The following NFIB variants were observed in gnomAD, a reference collection of about 807,000 sequenced individuals.
NFIB encodes nuclear factor I B.
In NFIB, 11 loss-of-function variants were observed where a neutral mutation model predicts 61.5. The observed-to-expected ratio is 0.18, with a 90% CI of 0.11 to 0.30. The LOEUF (loss-of-function observed/expected upper bound fraction) is 0.30. NFIB is among the 10% of genes least tolerant of loss of function. The pLI is 1.00. For synonymous variants in NFIB, 260 were observed against 216.5 expected (o/e 1.20, Z -1.76); for missense variants, 471 against 608.9 (o/e 0.77, Z 2.38).
chr9:14,338,523 C>A (rs1399594873), intron 1 of NFIB, among the ~76,000 whole-genome samples: 1 of 152,148 alleles, frequency 6.6e-6, no homozygotes, highest in East Asian at 1.9e-4. Flanking sequence ...TAGCTAGTGA[C>A]CTAACATCTG....
intron 2 of NFIB, among the ~76,000 whole-genome samples, chr9:14,200,775 TCC>T (rs2048951648): frequency 6.6e-6 from 1 of 152,062 alleles, no homozygotes; most frequent in Non-Finnish European, 1.5e-5. Context: ...CTTTGTACAT[TCC>T]CCCTCAGCAA....
chr9:14,222,627 A>AC (rs1324471944), intron 2 of NFIB, among the ~76,000 whole-genome samples: 1 of 151,680 alleles, frequency 6.6e-6, no homozygotes, highest in Non-Finnish European at 1.5e-5. Flanking sequence ...ACAAAGTGAG[A>AC]CCCCATTGCT....
chr9:14,454,452 G>A, the NFIB span, among the ~76,000 whole-genome samples: 17 of 152,184 alleles, frequency 1.1e-4, no homozygotes, highest in Admixed American at 1.0e-3. Context: ...CCTCTCTCTT[G>A]CCTAGTTAAT....
chr9:14,512,479 A>G, the NFIB span, among the ~76,000 whole-genome samples: 3 of 152,182 alleles, frequency 2.0e-5, no homozygotes, highest in Non-Finnish European at 4.4e-5. Flanking sequence ...TTCTAGGCAT[A>G]TCTTTGTTGG....
intron 3 of NFIB, among the ~76,000 whole-genome samples, chr9:14,173,890 G>T (rs1444474539): frequency 1.3e-5 from 2 of 152,088 alleles, no homozygotes; most frequent in African/African-American, 2.4e-5. Context: ...AATCAGGCTA[G>T]AAGCACTGTG....
chr9:14,119,233 C>G (rs1399843333), intron 8 of NFIB, among the ~76,000 whole-genome samples: 1 of 152,132 alleles, frequency 6.6e-6, no homozygotes, highest in African/African-American at 2.4e-5. Context: ...AAACGATATA[C>G]TAAGATCCCA....
At chr9:14,194,949 C>G (rs1444996013) in intron 2 of NFIB, among the ~76,000 whole-genome samples, 1 of 151,894 alleles carries the variant, frequency 6.6e-6, no homozygotes, top group Non-Finnish European at 1.5e-5. Context: ...CAATCCAGCA[C>G]ACATTCTCTC....
At chr9:14,516,746 T>G in the NFIB span, among the ~76,000 whole-genome samples, 1 of 152,250 alleles carries the variant, frequency 6.6e-6, no homozygotes, top group Non-Finnish European at 1.5e-5. Context: ...TTCAAGCTCT[T>G]GCCCTTAATC....
intron 2 of NFIB, among the ~76,000 whole-genome samples, chr9:14,254,447 G>T (rs1344029680): frequency 2.0e-5 from 3 of 152,074 alleles, no homozygotes; most frequent in African/African-American, 7.2e-5. Context: ...ACTTGATATG[G>T]GCTTGCGTTA....
chr9:14,415,952 C>A, the NFIB span, among the ~76,000 whole-genome samples: 2 of 152,194 alleles, frequency 1.3e-5, no homozygotes. Context: ...TAACTCTAGT[C>A]TCCTTTAAAT....
intron 1 of NFIB, among the ~76,000 whole-genome samples, chr9:14,347,103 G>A (rs909049679): frequency 1.3e-4 from 19 of 151,948 alleles, no homozygotes; most frequent in African/African-American, 4.6e-4. Context: ...CTCCACGCCG[G>A]GAGCTGGAAG....
chr9:14,499,978 A>G, the NFIB span, among the ~76,000 whole-genome samples: 1 of 152,214 alleles, frequency 6.6e-6, no homozygotes, highest in African/African-American at 2.4e-5. Flanking sequence ...AGCTGAAATA[A>G]CAGATACAAA....
At chr9:14,288,846 T>C (rs1159588206) in intron 2 of NFIB, among the ~76,000 whole-genome samples, 1 of 152,048 alleles carries the variant, frequency 6.6e-6, no homozygotes, top group Admixed American at 6.6e-5. Flanking sequence ...TTGAAAACAG[T>C]GCTCAGTACA....
At chr9:14,134,253 G>T (rs1478934622) in intron 6 of NFIB, among the ~76,000 whole-genome samples, 1 of 152,152 alleles carries the variant, frequency 6.6e-6, no homozygotes, top group African/African-American at 2.4e-5. Context: ...CTGCTCTAGG[G>T]AATGTAAATT....
At chr9:14,216,358 C>T (rs1242247698) in intron 2 of NFIB, among the ~76,000 whole-genome samples, 3 of 152,078 alleles carry the variant, frequency 2.0e-5, no homozygotes, top group Non-Finnish European at 2.9e-5. Flanking sequence ...ACTTTACTGG[C>T]CACTATTAAG....
the NFIB span, among the ~76,000 whole-genome samples, chr9:14,436,862 A>G: frequency 4.1e-4 from 63 of 152,324 alleles, no homozygotes; most frequent in African/African-American, 1.3e-3. Context: ...TCATGATTTC[A>G]CACAATTTAT....
intron 1 of NFIB, among the ~76,000 whole-genome samples, chr9:14,378,851 C>G (rs2061450943): frequency 6.6e-6 from 1 of 151,916 alleles, no homozygotes; most frequent in Non-Finnish European, 1.5e-5. Context: ...AGAGATAAAT[C>G]AGGGTGTAGT....
chr9:14,478,377 C>A, the NFIB span, among the ~76,000 whole-genome samples: 3 of 152,200 alleles, frequency 2.0e-5, no homozygotes, highest in African/African-American at 7.2e-5. Context: ...GCTGTCATCT[C>A]CTTCCTTCAA....
At chr9:14,449,774 AC>A in the NFIB span, among the ~76,000 whole-genome samples, 1 of 151,808 alleles carries the variant, frequency 6.6e-6, no homozygotes, top group African/African-American at 2.4e-5. Flanking sequence ...TACTAAAAAT[AC>A]AAAAAAAAAT....
Sources: gnomAD v4.1 joint callset for allele counts (sites outside exome capture counted in the v4.1 genomes callset) on GRCh38, gnomAD v4.1.1 for gene constraint, MANE v1.5 for transcripts, NCBI Gene and HGNC (gene_info 2026-07-23, HGNC 2026-07-21) for gene names.